Variants in IPO5 observed in about 807,000 individuals in gnomAD.
IPO5 encodes the protein importin-5.
IPO5 carries 18 observed loss-of-function variants against 143.3 expected under a neutral mutation model. That is an observed-to-expected ratio of 0.13 (90% CI 0.09 to 0.19). The LOEUF (loss-of-function observed/expected upper bound fraction) is 0.19. Ranked by LOEUF, IPO5 falls within the 10% of genes least tolerant of loss-of-function variation. The probability of loss-of-function intolerance (pLI) is 1.00; values close to 1 mark genes in which losing one functional copy is unlikely to be tolerated. For synonymous variants in IPO5, 477 were observed against 465.7 expected, an observed-to-expected ratio of 1.02 and a Z score of -0.31; for missense variants, 1,013 against 1,336.9, an observed-to-expected ratio of 0.76 and a Z score of 3.78.
chr13:97,993,379 A>G (rs1324843374), intron 11 of IPO5, among the ~76,000 whole-genome samples, 154 bp downstream of exon 11: 2 of 152,234 alleles, frequency 1.3e-5, no homozygotes, highest in Non-Finnish European at 2.9e-5. Flanking sequence ...AATACATGCA[A>G]GCGTGGACCC....
chr13:97,987,955 T>C (rs909479283), intron 6 of IPO5: 4 of 270,840 alleles, frequency 1.5e-5, no homozygotes, highest in Admixed American at 3.8e-5. Flanking sequence ...CATAGATTTT[T>C]TTTTTTTAAG....
chr13:97,978,270 A>T (rs945403638), intron 4 of IPO5, among the ~76,000 whole-genome samples: 12 of 152,154 alleles, frequency 7.9e-5, no homozygotes, highest in Non-Finnish European at 4.4e-5. Context: ...AATACTATTT[A>T]CACTATTTTG....
intron 21 of IPO5, among the ~76,000 whole-genome samples, chr13:98,013,666 G>C (rs908030671): frequency 6.6e-6 from 1 of 152,142 alleles, no homozygotes; most frequent in Non-Finnish European, 1.5e-5. Context: ...CATAGGAAGA[G>C]GTCCTCGGTG....
At chr13:98,000,867 T>C in intron 13 of IPO5, 1 of 543,128 alleles carries the variant, frequency 1.8e-6, no homozygotes, top group Non-Finnish European at 3.3e-6. Flanking sequence ...AATGATGTTA[T>C]TATTTGAATT....
At chr13:97,992,209 G>T (rs989972826) in intron 9 of IPO5, among the ~76,000 whole-genome samples, 3 of 152,092 alleles carry the variant, frequency 2.0e-5, no homozygotes, top group Admixed American at 1.3e-4. Context: ...TCTTCCTCTG[G>T]ATTTAGAGTA....
intron 12 of IPO5, among the ~76,000 whole-genome samples, 174 bp from the exon 13 acceptor site, chr13:98,000,362 TTTC>T (rs1319027102): frequency 1.3e-5 from 2 of 152,212 alleles, no homozygotes; most frequent in Admixed American, 6.5e-5. Context: ...TTTACTCTTT[TTTC>T]TTTTCTAAGC....
rs143481992 is a variant in IPO5 at position 98,017,213 on chromosome 13, C to T, written c.2616+362C>T. Among the ~76,000 whole-genome samples, 300 of 150,934 alleles carry T rather than the reference C, an allele frequency of 2.0e-3. 4 individuals are homozygous for T. The highest frequency in any genetic ancestry group is 0.016 in the Admixed American group (242 of 15,136). On this transcript the variant is annotated intron_variant, in intron 25 of 28. Coordinates refer to ENST00000651721, the MANE Select transcript of IPO5 (RefSeq NM_002271.6). ...ATTCAATTATCTTTGTTATGTACTA[C>T]CAGCAATCATGGATTATGGATAATG...
chr13:97,994,652 G>A (rs1424247025), intron 11 of IPO5, among the ~76,000 whole-genome samples: 2 of 152,112 alleles, frequency 1.3e-5, no homozygotes, highest in Non-Finnish European at 2.9e-5. Flanking sequence ...AGAACATAGG[G>A]CCTGGAGTAG....
chr13:97,992,761 A>G, intron 9 of IPO5, 131 bp from the exon 10 acceptor site: 1 of 937,508 alleles, frequency 1.1e-6, no homozygotes, highest in Non-Finnish European at 1.6e-6. Flanking sequence ...TGCATAATAT[A>G]GATTGCTAAA....
intron 4 of IPO5, among the ~76,000 whole-genome samples, chr13:97,978,140 C>A (rs545721077): frequency 3.3e-4 from 51 of 152,318 alleles, no homozygotes; most frequent in African/African-American, 1.2e-3. Context: ...AATACATGTT[C>A]AGGGTAAAAA....
rs1474361478 is a variant in IPO5 at position 97,956,145 on chromosome 13, C to T, written c.-113+1947C>T. Among the ~76,000 whole-genome samples, 64 of 139,308 alleles carry T rather than the reference C, an allele frequency of 4.6e-4. 1 individual carries two copies. Among genetic ancestry groups the T allele is most frequent in the Non-Finnish European group, 1.4e-4 (9 of 62,458 alleles). The allele number at this position is 139,308 out of a possible 152,430, so 91.4% of individuals were successfully genotyped here. Reference sequence around the variant, plus strand: ...AGACTCCGTGTCAAAAAAAAAAAAACGAACAAAAAAAGTAAAAAATAAAAA... The same window carrying T: ...AGACTCCGTGTCAAAAAAAAAAAAATGAACAAAAAAAGTAAAAAATAAAAA... On this transcript the variant is annotated intron_variant, in intron 2 of 28. Coordinates refer to ENST00000651721, the MANE Select transcript of IPO5 (RefSeq NM_002271.6).
chr13:97,969,690 T>C (rs773810027), intron 2 of IPO5, 33 bp from the exon 3 acceptor site: 13 of 905,204 alleles, frequency 1.4e-5, no homozygotes, highest in Non-Finnish European at 2.4e-5. Flanking sequence ...AAGTACCATC[T>C]AATGGTCCAC....
Position 98,002,608 on chromosome 13 carries a change from A to G in IPO5, c.1233+17A>G. 1.2e-6 allele frequency: 2 copies of G among 1,611,612 alleles called. No homozygotes were observed. The highest frequency in any genetic ancestry group is 1.7e-6 in the Non-Finnish European group (2 of 1,178,986). Reference sequence around the variant, plus strand: ...CAGGATCCTGTAAGTACCAGTAAATATTTGATTCAAAATGATTAGTGTAGC... The same window carrying G: ...CAGGATCCTGTAAGTACCAGTAAATGTTTGATTCAAAATGATTAGTGTAGC... On this transcript the variant is annotated intron_variant, in intron 14 of 28. Transcript: ENST00000651721.
At chr13:97,999,275 T>C (rs551983429) in intron 12 of IPO5, among the ~76,000 whole-genome samples, 1 of 152,196 alleles carries the variant, frequency 6.6e-6, no homozygotes, top group Non-Finnish European at 1.5e-5. Flanking sequence ...AATCCCATTG[T>C]TAAAAATGAC....
At chr13:97,973,038 C>CTTTTTTTTT (rs34572861) in intron 3 of IPO5, among the ~76,000 whole-genome samples, 8 of 76,304 alleles carry the variant, frequency 1.0e-4, no homozygotes, top group Admixed American at 1.7e-4. Context: ...CTTTTATCTT[C>CTTTTTTTTT]TTTTTTTTTT....
At chr13:97,994,618 G>A (rs1235986865) in intron 11 of IPO5, among the ~76,000 whole-genome samples, 1 of 152,142 alleles carries the variant, frequency 6.6e-6, no homozygotes, top group African/African-American at 2.4e-5. Context: ...GGTTATGATA[G>A]AACAATCCTG....
rs1185256027 is a variant in IPO5, at chr13:97,997,573, A to T, written c.956A>T (p.Glu319Val). 1 of 1,610,956 alleles carries T rather than the reference A, an allele frequency of 6.2e-7. No individual in the cohort carries two copies. The highest frequency in any genetic ancestry group is 1.1e-5 in the South Asian group (1 of 90,744). ...LAMMVDLEED[E>V]DWANADELED... Reference sequence around the variant, plus strand: ...ATGATGGTTGATTTGGAAGAAGATGAGGACTGGGCAAATGCAGATGAACTA... The same window carrying T: ...ATGATGGTTGATTTGGAAGAAGATGTGGACTGGGCAAATGCAGATGAACTA... The change falls in exon 12 of 29, where the codon GAG (glutamate) becomes GTG (valine). Residue 319 changes from glutamate (E) to valine (V), a missense_variant. Coordinates refer to ENST00000651721, the MANE Select transcript of IPO5 (RefSeq NM_002271.6).
chr13:97,991,188 A>G (rs1004355526), intron 9 of IPO5, among the ~76,000 whole-genome samples: 5 of 152,296 alleles, frequency 3.3e-5, no homozygotes, highest in African/African-American at 1.2e-4. Flanking sequence ...TGAAATGCAT[A>G]AGTAATGTAA....
chr13:98,020,312 T>A (rs566582530), intron 27 of IPO5, among the ~76,000 whole-genome samples: 1 of 152,334 alleles, frequency 6.6e-6, no homozygotes, highest in South Asian at 2.1e-4. Flanking sequence ...TATGAATAAA[T>A]TCAAGGGCTA....
Sources: gnomAD v4.1 joint callset for allele counts (sites outside exome capture counted in the v4.1 genomes callset) on GRCh38, gnomAD v4.1.1 for gene constraint, MANE v1.5 for transcripts, NCBI Gene and HGNC (gene_info 2026-07-23, HGNC 2026-07-21) for gene names.